Variants in GABRR3 observed in about 807,000 individuals in gnomAD.
GABRR3 encodes gamma-aminobutyric acid receptor subunit rho-3.
A neutral mutation model predicts 43.2 loss-of-function variants in GABRR3; 29 were observed. The observed-to-expected ratio is 0.67, with a 90% CI of 0.50 to 0.92. The LOEUF (loss-of-function observed/expected upper bound fraction) is 0.92, where lower values mean the gene tolerates loss of function less well. Among genes scored for constraint, GABRR3 ranks in the 40% least tolerant of loss-of-function variants. GABRR3 has a pLI of 0.00. For missense variants in GABRR3, 576 were observed against 572.3 expected, an observed-to-expected ratio of 1.01 and a Z score of -0.07; for synonymous variants, 206 against 195.9, an observed-to-expected ratio of 1.05 and a Z score of -0.43.
chr3:98,012,901 C>T (rs1436247477), intron 4 of GABRR3, among the ~76,000 whole-genome samples: 1 of 152,120 alleles, frequency 6.6e-6, no homozygotes, highest in Non-Finnish European at 1.5e-5. Flanking sequence ...GAACCTGAAA[C>T]TTTACTATTT....
In GABRR3 at chr3:98,008,954, A is replaced by G. The variant is rs1425103037; in HGVS notation, c.613+2T>C. On this transcript the variant is annotated splice_donor_variant, in intron 6 of 9. Coordinates refer to ENST00000621172, the Ensembl canonical transcript of GABRR3. LOFTEE classifies it high-confidence loss of function. ...CTCACTCCACCAGGAAGTGAGACTT[A>G]CAGCTTTCCAGTTCAAGAGAACAAT... is the stretch of plus-strand genomic sequence containing the variant. 6.3e-7 allele frequency: 1 copy of G among 1,588,614 alleles called. No individual in the cohort carries two copies. Among genetic ancestry groups the G allele is most frequent in the Non-Finnish European group, 8.6e-7 (1 of 1,163,048 alleles).
intron 8 of GABRR3, 123 bp from the exon 9 acceptor site, chr3:97,993,171 AG>A: frequency 1.5e-6 from 1 of 669,228 alleles, no homozygotes; most frequent in Non-Finnish European, 2.4e-6. Flanking sequence ...AGAGGAGGGA[AG>A]GTGTGTGCAT....
chr3:97,991,941 T>C (rs977315197), intron 9 of GABRR3, among the ~76,000 whole-genome samples: 31 of 152,318 alleles, frequency 2.0e-4, no homozygotes, highest in African/African-American at 7.5e-4. Context: ...TGTATACATA[T>C]ATACTATATG....
At chr3:98,010,481 A>G (rs1175388898) in intron 5 of GABRR3, among the ~76,000 whole-genome samples, 1 of 152,144 alleles carries the variant, frequency 6.6e-6, no homozygotes, top group Non-Finnish European at 1.5e-5. Flanking sequence ...GCTGATATCT[A>G]GTAGCTCAAA....
chr3:98,010,064 C>G, intron 5 of GABRR3, among the ~76,000 whole-genome samples: 1 of 152,174 alleles, frequency 6.6e-6, no homozygotes, highest in East Asian at 1.9e-4. Flanking sequence ...GCTGGAAGAG[C>G]TGTGCTGACA....
intron 3 of GABRR3, among the ~76,000 whole-genome samples, chr3:98,019,842 G>A (rs924333663): frequency 8.5e-5 from 13 of 152,116 alleles, no homozygotes; most frequent in Admixed American, 8.5e-4. Context: ...GGGATTACAG[G>A]CATGAATCAC....
chr3:98,030,608 G>T (rs1377869902), intron 2 of GABRR3, among the ~76,000 whole-genome samples: 1 of 152,120 alleles, frequency 6.6e-6, no homozygotes, highest in Non-Finnish European at 1.5e-5. Context: ...ATTGTTATTT[G>T]TATCATAAAT....
chr3:97,999,011 T>C (rs1461477553), intron 8 of GABRR3: 2 of 152,124 alleles, frequency 1.3e-5, no homozygotes, highest in South Asian at 2.1e-4. Context: ...CCTAAGGCCA[T>C]AGTTTGAGAA....
chr3:98,031,524 C>A (rs1321925786), intron 2 of GABRR3, among the ~76,000 whole-genome samples: 2 of 152,112 alleles, frequency 1.3e-5, no homozygotes, highest in Non-Finnish European at 1.5e-5. Flanking sequence ...GCTGGAGGAT[C>A]ATTTGAGGCC....
intron 2 of GABRR3, among the ~76,000 whole-genome samples, chr3:98,034,039 A>G (rs1707122881): frequency 6.6e-6 from 1 of 152,114 alleles, no homozygotes; most frequent in African/African-American, 2.4e-5. Flanking sequence ...CTGTCACCCC[A>G]TTGGCTGCCA....
intron 7 of GABRR3, among the ~76,000 whole-genome samples, chr3:98,003,248 C>G (rs547541252): frequency 2.6e-5 from 4 of 152,088 alleles, no homozygotes; most frequent in South Asian, 2.1e-4. Context: ...TCTGACCTTA[C>G]AACTTTATAT....
chr3:98,031,696 T>G (rs761372908), intron 2 of GABRR3, among the ~76,000 whole-genome samples: 95 of 151,992 alleles, frequency 6.3e-4, no homozygotes, highest in African/African-American at 2.0e-3. Flanking sequence ...TGAACTATGA[T>G]TGGACCACCG....
chr3:98,008,798 C>CAAAAAAAAAAAAAAAAAAAAAAA (rs57502092), intron 6 of GABRR3, 158 bp downstream of exon 6: 1 of 113,852 alleles, frequency 8.8e-6, no homozygotes, highest in Non-Finnish European at 1.8e-5. Flanking sequence ...AAACAGAAAC[C>CAAAAAAAAAAAAAAAAAAAAAAA]AAAAAAAAAA....
intron 3 of GABRR3, among the ~76,000 whole-genome samples, chr3:98,019,322 G>A (rs1706909144): frequency 6.6e-6 from 1 of 152,080 alleles, no homozygotes; most frequent in Non-Finnish European, 1.5e-5. Context: ...CCCAAGGTAT[G>A]TCTTGCCAGT....
exon 10 of GABRR3, chr3:97,986,691 A>T: frequency 6.5e-7 from 1 of 1,537,368 alleles, no homozygotes; most frequent in Non-Finnish European, 8.8e-7. Flanking sequence ...CTTCATACAT[A>T]TACACCCCAG....
intron 3 of GABRR3, among the ~76,000 whole-genome samples, chr3:98,018,840 T>C (rs1165304027): frequency 6.6e-6 from 1 of 152,142 alleles, no homozygotes; most frequent in Non-Finnish European, 1.5e-5. Context: ...CCGGGCGTGG[T>C]GGCTCACTCC....
chr3:98,026,595 G>C (rs574614008), intron 2 of GABRR3, among the ~76,000 whole-genome samples: 56 of 62,252 alleles, frequency 9.0e-4, no homozygotes, highest in Admixed American at 1.4e-3. Context: ...TCCAGAAAAA[G>C]GTGGCTGTCA....
intron 5 of GABRR3, 137 bp downstream of exon 5, chr3:98,012,207 C>T: frequency 1.5e-6 from 1 of 664,324 alleles, no homozygotes; most frequent in Non-Finnish European, 2.6e-6. Flanking sequence ...AAAATCACAT[C>T]TTATGCTTGT....
chr3:98,001,862 T>G, intron 7 of GABRR3, 95 bp from the exon 8 acceptor site: 1 of 1,354,238 alleles, frequency 7.4e-7, no homozygotes, highest in Non-Finnish European at 1.0e-6. Flanking sequence ...TCCAAGCTCT[T>G]GGGGACACGG....
Sources: allele counts gnomAD v4.1 joint callset (sites outside exome capture counted in the v4.1 genomes callset), GRCh38; gene constraint gnomAD v4.1.1; transcripts MANE v1.5; gene names NCBI Gene and HGNC (gene_info 2026-07-23, HGNC 2026-07-21).